The following DICER1 variants were observed in gnomAD, a reference collection of about 807,000 sequenced individuals.
DICER1 encodes the protein endoribonuclease Dicer.
DICER1 carries 43 observed loss-of-function variants against 194.1 expected under a neutral mutation model. The ratio of observed to expected loss-of-function variants is 0.22; its 90% confidence interval spans 0.17 to 0.29. DICER1 has a LOEUF of 0.29. Ranked by LOEUF, DICER1 falls within the 10% of genes least tolerant of loss-of-function variation. The pLI, the probability that DICER1 is intolerant of heterozygous loss-of-function variation, is 1.00. For synonymous variants in DICER1, 832 were observed against 820.5 expected (o/e 1.01, Z -0.24); for missense variants, 1,608 against 2,317.0 (o/e 0.69, Z 6.28).
intron 1 of DICER1, among the ~76,000 whole-genome samples, chr14:95,149,428 C>T (rs112386459): frequency 2.0e-5 from 3 of 152,280 alleles, no homozygotes; most frequent in Admixed American, 6.5e-5. Context: ...CAACAGAGTT[C>T]GCCACCTCTC....
chr14:95,136,190 T>G (rs919173080), intron 1 of DICER1, among the ~76,000 whole-genome samples: 23 of 151,904 alleles, frequency 1.5e-4, no homozygotes, highest in African/African-American at 5.3e-4. Context: ...TCTTGCAACA[T>G]AAATCTTTTT....
intron 1 of DICER1, among the ~76,000 whole-genome samples, chr14:95,154,122 C>T (rs772503060): frequency 6.6e-6 from 1 of 152,222 alleles, no homozygotes; most frequent in South Asian, 2.1e-4. Flanking sequence ...TAAAGCACAT[C>T]ACTCCATGTT....
intron 23 of DICER1, 156 bp downstream of exon 23, chr14:95,095,669 A>C: frequency 3.5e-6 from 3 of 860,492 alleles, no homozygotes; most frequent in Non-Finnish European, 5.6e-6. Flanking sequence ...ATAACAAGGA[A>C]AAGAATTCTT....
rs1434111155 is a variant in DICER1 at position 95,088,797 on chromosome 14, T to C, written c.*1701A>G. 1 of 233,020 alleles carries C rather than the reference T, an allele frequency of 4.3e-6. No individual in the cohort carries two copies. Among genetic ancestry groups the C allele is most frequent in the Non-Finnish European group, 8.5e-6 (1 of 117,758 alleles). The allele number at this position is 233,020 out of a possible 1,614,324, so 14.4% of individuals were successfully genotyped here. A position where few individuals can be genotyped will look rare whatever the true frequency, so the allele number is the denominator to read the frequency against. ...GCACTCGCACAGAGGCATTTCTCTG[T>C]GGGTGGATGATGCAGATAAAGCAGG... On this transcript the variant is annotated 3_prime_UTR_variant, in exon 27 of 27. Coordinates refer to ENST00000343455, the MANE Select transcript of DICER1 (RefSeq NM_177438.3).
At chr14:95,138,200 A>ATT (rs144050682) in intron 1 of DICER1, among the ~76,000 whole-genome samples, 3 of 147,536 alleles carry the variant, frequency 2.0e-5, no homozygotes, top group African/African-American at 5.0e-5. Context: ...AAGGACAGAG[A>ATT]TTTTTTTTTT....
In DICER1 at chr14:95,099,771, C is replaced by CACAAAA. The variant is rs763704682; in HGVS notation, c.4206+8_4206+9insTTTTGT. On this transcript the variant is annotated intron_variant, in intron 22 of 26. Transcript: ENST00000343455. ...ACACACACACACACACACACACACA[C>CACAAAA]AAACTTACCATTTCATCTTTTTCCC... 1 of 274,822 alleles carries CACAAAA rather than the reference C, an allele frequency of 3.6e-6. No individual in the cohort carries two copies. The highest frequency in any genetic ancestry group is 4.0e-5 in the African/African-American group (1 of 25,038). The allele number at this position is 274,822 out of a possible 1,614,324, so 17.0% of individuals were successfully genotyped here.
chr14:95,151,458 A>G (rs1895506653), intron 1 of DICER1, among the ~76,000 whole-genome samples: 1 of 152,222 alleles, frequency 6.6e-6, no homozygotes, highest in Admixed American at 6.5e-5. Context: ...AATTTTATCA[A>G]ATGCTAGTTA....
chr14:95,112,116 T>A (rs1404573726), intron 13 of DICER1, 56 bp downstream of exon 13: 9 of 1,493,510 alleles, frequency 6.0e-6, no homozygotes, highest in Admixed American at 5.0e-5. Context: ...ATATGCTTTT[T>A]TTTTACAATG....
Position 95,091,368 on chromosome 14 carries a change from A to G in DICER1, c.5365-3T>C, listed in dbSNP as rs753581649. Reference sequence around the variant, plus strand: ...TCATCCTCCTCAGATCTCCTAAGCTATTACAGAGGGAAAAGTGACTTGTAA... The same window carrying G: ...TCATCCTCCTCAGATCTCCTAAGCTGTTACAGAGGGAAAAGTGACTTGTAA... On this transcript the variant is annotated splice_polypyrimidine_tract_variant and splice_region_variant and intron_variant, in intron 24 of 26. Coordinates refer to ENST00000343455, the MANE Select transcript of DICER1 (RefSeq NM_177438.3). The G allele has an allele frequency of 1.2e-6, 2 of 1,614,056 alleles. No individual in the cohort carries two copies. The highest frequency in any genetic ancestry group is 1.1e-5 in the South Asian group (1 of 91,084).
At chr14:95,115,362 A>G (rs1892342566) in intron 11 of DICER1, among the ~76,000 whole-genome samples, 1 of 152,198 alleles carries the variant, frequency 6.6e-6, no homozygotes, top group Non-Finnish European at 1.5e-5. Context: ...TATGGCACAA[A>G]ACAAAAAATT....
intron 21 of DICER1, among the ~76,000 whole-genome samples, chr14:95,102,906 A>C (rs1422718560): frequency 1.3e-5 from 2 of 152,138 alleles, no homozygotes; most frequent in Non-Finnish European, 2.9e-5. Context: ...GAGCTCCTCC[A>C]CAAGACTTGT....
chr14:95,091,121 A>C lies in DICER1; in HGVS notation c.5528-12T>G. The C allele has an allele frequency of 6.2e-7, 1 of 1,614,090 alleles. No homozygotes were observed. The highest frequency in any genetic ancestry group is 8.5e-7 in the Non-Finnish European group (1 of 1,179,952). On this transcript the variant is annotated splice_polypyrimidine_tract_variant and intron_variant, in intron 25 of 26. Coordinates refer to ENST00000343455, the MANE Select transcript of DICER1 (RefSeq NM_177438.3). ...TGCAGAAAACTTTTCTGCAATCAAA[A>C]TGAAAGAATAATATGAATAATATCT...
rs766652351 is a variant in DICER1, at chr14:95,124,718, G to T, written c.904-50C>A. Reference sequence around the variant, plus strand: ...CCTAATGCCAAATAATAATAATGTAGCATTTTCATGTGGGGTTTAACTGGG... The same window carrying T: ...CCTAATGCCAAATAATAATAATGTATCATTTTCATGTGGGGTTTAACTGGG... On this transcript the variant is annotated intron_variant, in intron 7 of 26. Transcript: ENST00000343455. This position sits in a 1 kb window ranked among gnomAD's most constrained non-coding sequence, Gnocchi z 4.5. 1.4e-6 allele frequency: 2 copies of T among 1,429,834 alleles called. No individual in the cohort carries two copies. Among genetic ancestry groups the T allele is most frequent in the Non-Finnish European group, 2.0e-6 (2 of 1,016,478 alleles). The allele number at this position is 1,429,834 out of a possible 1,614,324, so 88.6% of individuals were successfully genotyped here.
chr14:95,110,669 G>T (rs1891878030), intron 14 of DICER1, among the ~76,000 whole-genome samples: 2 of 151,994 alleles, frequency 1.3e-5, no homozygotes, highest in South Asian at 2.1e-4. Flanking sequence ...CTTTTGCTTG[G>T]GGTTCTTATG....
intron 6 of DICER1, among the ~76,000 whole-genome samples, chr14:95,128,904 A>C (rs1244436163): frequency 6.6e-6 from 1 of 152,190 alleles, no homozygotes; most frequent in African/African-American, 2.4e-5. Context: ...CTAATTTGTA[A>C]AGGCTCCCTT....
intron 1 of DICER1, among the ~76,000 whole-genome samples, chr14:95,146,411 A>G (rs1355723856): frequency 6.6e-6 from 1 of 152,172 alleles, no homozygotes; most frequent in Non-Finnish European, 1.5e-5. Flanking sequence ...CAAACCAATC[A>G]GCACACACTC....
chr14:95,155,041 A>G (rs1031804873), intron 1 of DICER1, among the ~76,000 whole-genome samples: 5 of 152,220 alleles, frequency 3.3e-5, no homozygotes, highest in African/African-American at 1.2e-4. Flanking sequence ...CATGCCTCCA[A>G]AGATTCTGAA....
rs142300389 is a variant in DICER1, at chr14:95,112,238, T to C, written c.2050A>G (p.Met684Val). ...PLRASIVGPPMSCVRLAERVV... is the reference protein window; with the variant it reads ...PLRASIVGPPVSCVRLAERVV... ...CTTTCAGCCAATCGTACACAGCTCATTGGTGGACCCTGAAAATAACAAAAA... is the reference window on the plus strand; with the variant it reads ...CTTTCAGCCAATCGTACACAGCTCACTGGTGGACCCTGAAAATAACAAAAA... Residue 684 changes from methionine to valine, a missense_variant, in exon 13 of 27, where the codon ATG becomes GTG. Transcript: ENST00000343455. 22 of 1,613,948 alleles carry C rather than the reference T, an allele frequency of 1.4e-5. No homozygotes were observed. Among genetic ancestry groups the C allele is most frequent in the Middle Eastern group, 1.6e-4 (1 of 6,080 alleles).
chr14:95,116,825 GC>G, intron 9 of DICER1, 130 bp from the exon 10 acceptor site: 1 of 933,610 alleles, frequency 1.1e-6, no homozygotes, highest in Non-Finnish European at 1.7e-6. Flanking sequence ...AATCCTTAAG[GC>G]CAGGCTAAAG....
Sources: allele counts gnomAD v4.1 joint callset (sites outside exome capture counted in the v4.1 genomes callset), GRCh38; gene constraint gnomAD v4.1.1; non-coding constraint Gnocchi (gnomAD v3.1); transcripts MANE v1.5; gene names NCBI Gene and HGNC (gene_info 2026-07-23, HGNC 2026-07-21).